FGF13: variants seen among roughly 807,000 people sequenced by gnomAD.
FGF13 encodes fibroblast growth factor homologous factor 2.
Under a neutral mutation model 19.5 loss-of-function variants are expected in FGF13, and 2 were observed. The ratio of observed to expected loss-of-function variants is 0.10; its 90% CI spans 0.04 to 0.32. FGF13 has a LOEUF of 0.32. FGF13 is among the 10% of genes least tolerant of loss of function. The pLI is 1.00. For synonymous variants in FGF13, 72 were observed against 76.9 expected (o/e 0.94, Z 0.33); for missense variants, 113 against 192.7 (o/e 0.59, Z 2.45).
intron 1 of FGF13, among the ~76,000 whole-genome samples, chrX:139,188,180 T>TAAACA (rs773894894): frequency 2.1e-3 from 240 of 112,084 alleles, no homozygotes; most frequent in Non-Finnish European, 2.9e-3. Context: ...TAGAGACTCT[T>TAAACA]CCTCATTGGT....
chrX:139,115,591 A>G (rs904019609), intron 1 of FGF13, among the ~76,000 whole-genome samples: 1 of 111,967 alleles, frequency 8.9e-6, no homozygotes, highest in Non-Finnish European at 1.9e-5. Flanking sequence ...TGGAACTACC[A>G]TATCTACCCT....
intron 3 of FGF13, among the ~76,000 whole-genome samples, chrX:138,701,511 G>A (rs17510144): frequency 8.9e-6 from 1 of 111,931 alleles, no homozygotes; most frequent in Admixed American, 9.5e-5. Flanking sequence ...TTTTCATTTA[G>A]TAAAAAGAGC....
At chrX:139,069,711 C>T (rs1377324955) in intron 1 of FGF13, among the ~76,000 whole-genome samples, 7 of 112,094 alleles carry the variant, frequency 6.2e-5, no homozygotes, top group Admixed American at 5.7e-4. Context: ...GGAGGCATCA[C>T]GCTACGTGAC....
At chrX:139,151,736 A>G (rs1485362319) in intron 1 of FGF13, among the ~76,000 whole-genome samples, 2 of 112,195 alleles carry the variant, frequency 1.8e-5, no homozygotes, top group African/African-American at 3.2e-5. Flanking sequence ...TTTTTAAGTA[A>G]ATAAATTAAA....
At chrX:139,054,344 C>T (rs1212715087) in intron 1 of FGF13, among the ~76,000 whole-genome samples, 2 of 109,570 alleles carry the variant, frequency 1.8e-5, no homozygotes, top group African/African-American at 3.3e-5. Flanking sequence ...AGGATGTTCT[C>T]GATCTCCTGA....
At chrX:139,015,577 A>C (rs1189977375) in intron 1 of FGF13, among the ~76,000 whole-genome samples, 1 of 111,652 alleles carries the variant, frequency 9.0e-6, no homozygotes, top group Non-Finnish European at 1.9e-5. Context: ...AAAAAATGTA[A>C]AGATATTCCA....
chrX:138,846,439 G>A (rs1324152913), intron 3 of FGF13, among the ~76,000 whole-genome samples: 3 of 111,742 alleles, frequency 2.7e-5, no homozygotes, highest in Non-Finnish European at 5.7e-5. Flanking sequence ...GCTCATGCAC[G>A]GAAAGAGAGA....
At chrX:138,981,980 G>T (rs142808261) in intron 1 of FGF13, among the ~76,000 whole-genome samples, 1 of 111,298 alleles carries the variant, frequency 9.0e-6, no homozygotes, top group African/African-American at 3.3e-5. Context: ...AGTCAGAAAG[G>T]GTGTGTTAAA....
intron 1 of FGF13, among the ~76,000 whole-genome samples, chrX:139,027,638 AAC>A (rs933309768): frequency 5.3e-5 from 6 of 112,200 alleles, no homozygotes; most frequent in Admixed American, 4.7e-4. Flanking sequence ...TTTTGTTCAA[AAC>A]ACAGAGAGGT....
At chrX:138,768,755 A>ATATATATATATATATATATATATATATAT (rs1569388532) in intron 3 of FGF13, among the ~76,000 whole-genome samples, 5 of 102,676 alleles carry the variant, frequency 4.9e-5, no homozygotes, top group African/African-American at 1.8e-4. Flanking sequence ...ATATATATAT[A>ATATATATATATATATATATATATATATAT]ATTTCACAAG....
chrX:138,975,037 A>G (rs1467941789), intron 1 of FGF13, among the ~76,000 whole-genome samples: 1 of 112,696 alleles, frequency 8.9e-6, no homozygotes, highest in Non-Finnish European at 1.9e-5. Context: ...TTTCTGGGAC[A>G]CTTTGATGGT....
intron 1 of FGF13, among the ~76,000 whole-genome samples, chrX:138,955,035 C>G (rs1001733032): frequency 1.7e-4 from 19 of 111,842 alleles, no homozygotes; most frequent in African/African-American, 5.6e-4. Flanking sequence ...TCAGAATCAC[C>G]TGGGCGACTG....
chrX:138,622,953 A>T lies in FGF13; in HGVS notation c.*9897T>A, dbSNP rs2089026607. On this transcript the variant is annotated 3_prime_UTR_variant, in exon 5 of 5. Transcript: ENST00000315930. ...CCATTTGTCTTCTTCAATTACTTTCATCAATATTTTATAGTTTTTAATATA... is the reference window on the plus strand; with the variant it reads ...CCATTTGTCTTCTTCAATTACTTTCTTCAATATTTTATAGTTTTTAATATA... The T allele has an allele frequency of 8.9e-6, 1 of 112,069 alleles. No individual in the cohort carries two copies. The highest frequency in any genetic ancestry group is 3.2e-5 in the African/African-American group (1 of 30,883). The allele number at this position is 112,069 out of a possible 1,213,427, so 9.2% of individuals were successfully genotyped here.
chrX:138,784,788 A>C (rs1351247327), intron 3 of FGF13, among the ~76,000 whole-genome samples: 1 of 110,745 alleles, frequency 9.0e-6, no homozygotes, highest in Non-Finnish European at 1.9e-5. Flanking sequence ...TATATTCACC[A>C]TTTTCCAAAT....
intron 3 of FGF13, among the ~76,000 whole-genome samples, chrX:138,674,639 A>T (rs999619595): frequency 9.0e-6 from 1 of 111,026 alleles, no homozygotes; most frequent in Non-Finnish European, 1.9e-5. Context: ...GGGTCAAGAA[A>T]TTTGAAGTCT....
At position 139,165,488 on chromosome X, in the gene FGF13, C is replaced by T. The variant is rs1451083712; in HGVS notation, c.-113+37928G>A. Among the ~76,000 whole-genome samples, 3 of 111,506 alleles carry T rather than the reference C, an allele frequency of 2.7e-5. No homozygotes were observed. The South Asian group carries it at 1.1e-3, about 42-fold the overall frequency. On this transcript the variant is annotated intron_variant, in intron 1 of 2. Transcript: ENST00000421460. ...TAGAAGGGAGCCAGGTGCTAGCCAT[C>T]AGAACAATGGGAGAAAAATCCCGAA...
chrX:139,056,498 G>C (rs1016603180), intron 1 of FGF13, among the ~76,000 whole-genome samples: 3 of 112,500 alleles, frequency 2.7e-5, no homozygotes, highest in African/African-American at 9.7e-5. Context: ...AAGCATTGTT[G>C]TTATTACAAG....
At chrX:139,118,368 C>T (rs67033982) in intron 1 of FGF13, among the ~76,000 whole-genome samples, 7,708 of 111,279 alleles carry the variant, frequency 0.069, 414 homozygotes, top group African/African-American at 0.19. Flanking sequence ...TTACTAAATG[C>T]GTATTGCTTT....
chrX:138,799,073 G>C (rs932405377), intron 3 of FGF13, among the ~76,000 whole-genome samples: 9 of 111,451 alleles, frequency 8.1e-5, no homozygotes, highest in African/African-American at 2.6e-4. Context: ...GTTCTGCTCT[G>C]ATCTTAGTTA....
Sources: allele counts gnomAD v4.1 joint callset (sites outside exome capture counted in the v4.1 genomes callset), GRCh38; gene constraint gnomAD v4.1.1; transcripts MANE v1.5; gene names NCBI Gene and HGNC (gene_info 2026-07-23, HGNC 2026-07-21).